Variants in CSMD3 observed in about 807,000 individuals in gnomAD.
CSMD3 encodes the protein CUB and sushi domain-containing protein 3.
Under a neutral mutation model 435.2 loss-of-function variants are expected in CSMD3, and 177 were observed. That is an observed-to-expected ratio of 0.41 (90% CI 0.36 to 0.46). CSMD3 has a LOEUF of 0.46. CSMD3 is among the 20% of genes least tolerant of loss of function. The pLI is 0.34. For synonymous variants in CSMD3, 1,656 were observed against 1,520.5 expected, an observed-to-expected ratio of 1.09 and a Z score of -2.07; for missense variants, 4,265 against 4,504.6, an observed-to-expected ratio of 0.95 and a Z score of 1.52.
intron 4 of CSMD3, among the ~76,000 whole-genome samples, chr8:113,114,687 CA>C (rs1290347973): frequency 6.6e-6 from 1 of 151,984 alleles, no homozygotes; most frequent in Non-Finnish European, 1.5e-5. Context: ...CATTATTAAC[CA>C]ATAATATTTT....
rs12156371 is a variant in CSMD3, at chr8:112,929,389, T to A, written c.1509-7638A>T. ...ACTTAAAGCATAATAAAAAAAAAAT[T>A]AAAAAAAAAAGATTTCAAGATTTTA... is the stretch of plus-strand genomic sequence containing the variant. On this transcript the variant is annotated intron_variant, in intron 9 of 70. Coordinates refer to ENST00000297405, the MANE Select transcript of CSMD3 (RefSeq NM_198123.2). Among the ~76,000 whole-genome samples the A allele has an allele frequency of 7.4e-5, 11 of 148,590 alleles. No individual in the cohort carries two copies. The East Asian group carries it at 8.0e-4, about 11-fold the overall frequency.
chr8:112,794,352 G>A (rs1206030077), intron 13 of CSMD3, among the ~76,000 whole-genome samples: 6 of 145,634 alleles, frequency 4.1e-5, no homozygotes, highest in Admixed American at 7.0e-5. Flanking sequence ...AGAGGGCAGC[G>A]GCGCGGTCTC....
chr8:112,558,139 T>C (rs1287298046), intron 24 of CSMD3, among the ~76,000 whole-genome samples: 7 of 151,848 alleles, frequency 4.6e-5, no homozygotes, highest in Non-Finnish European at 1.0e-4. Context: ...AAGCAAGGTC[T>C]CTCTGCCCTT....
At chr8:112,704,677 T>A (rs891764223) in intron 13 of CSMD3, among the ~76,000 whole-genome samples, 18 of 152,158 alleles carry the variant, frequency 1.2e-4, no homozygotes, top group African/African-American at 3.1e-4. Context: ...AGAGAATACA[T>A]TGAAATACAC....
At chr8:113,434,013 G>C (rs1057205281) in intron 1 of CSMD3, among the ~76,000 whole-genome samples, 3 of 152,204 alleles carry the variant, frequency 2.0e-5, no homozygotes, top group Non-Finnish European at 2.9e-5. Context: ...CAGTGGAAAT[G>C]AAATGCCAAG....
At chr8:113,380,047 CTT>C (rs952421633) in intron 1 of CSMD3, among the ~76,000 whole-genome samples, 2 of 152,168 alleles carry the variant, frequency 1.3e-5, no homozygotes, top group African/African-American at 2.4e-5. Flanking sequence ...AAAAGGCAAA[CTT>C]GCCCCCATTT....
chr8:113,419,226 C>T (rs1397829098), intron 1 of CSMD3, among the ~76,000 whole-genome samples: 2 of 149,066 alleles, frequency 1.3e-5, no homozygotes, highest in African/African-American at 4.9e-5. Flanking sequence ...TCAATTGATT[C>T]TCCTGCCTCA....
At chr8:112,567,782 T>C (rs757259682) in intron 24 of CSMD3, among the ~76,000 whole-genome samples, 34 of 152,120 alleles carry the variant, frequency 2.2e-4, no homozygotes, top group Admixed American at 8.5e-4. Context: ...GGATACTGTA[T>C]TGTGATCTCA....
chr8:112,400,327 A>C (rs1287374576), intron 35 of CSMD3, among the ~76,000 whole-genome samples: 1 of 152,138 alleles, frequency 6.6e-6, no homozygotes, highest in Non-Finnish European at 1.5e-5. Flanking sequence ...TTATGAGGAC[A>C]CTAATCCCAT....
rs561066840 is a variant in CSMD3 at position 112,558,555 on chromosome 8, T to C, written c.4043-1601A>G. On this transcript the variant is annotated intron_variant, in intron 24 of 70. Transcript: ENST00000297405. ...GCTCCCATGTCATATAAAACCATGA[T>C]CCAATAAATTTATTATGCTTTTCTC... is the stretch of plus-strand genomic sequence containing the variant. 1.1e-4 allele frequency among the ~76,000 whole-genome samples: 16 copies of C among 151,968 alleles called. No individual in the cohort carries two copies. The East Asian group carries it at 3.1e-3, about 30-fold the overall frequency.
At chr8:113,410,380 G>C (rs899008921) in intron 1 of CSMD3, among the ~76,000 whole-genome samples, 3 of 152,088 alleles carry the variant, frequency 2.0e-5, no homozygotes, top group Admixed American at 1.3e-4. Context: ...TCATTAAAGA[G>C]TTATTTATCC....
chr8:112,297,999 A>G (rs1457242208), intron 53 of CSMD3, among the ~76,000 whole-genome samples: 3 of 151,272 alleles, frequency 2.0e-5, no homozygotes, highest in African/African-American at 7.3e-5. Context: ...ACAATAGTAA[A>G]ACATTCTGGG....
intron 1 of CSMD3, among the ~76,000 whole-genome samples, chr8:113,360,169 G>A (rs1439417154): frequency 6.6e-6 from 1 of 152,108 alleles, no homozygotes; most frequent in Non-Finnish European, 1.5e-5. Flanking sequence ...GCATCTTTGG[G>A]ATGGTGGTGG....
Position 113,316,281 on chromosome 8 carries a change from G to A in CSMD3, c.179-1488C>T, listed in dbSNP as rs1459281814. ...CAAGCTAATCTGAGGGAGAGAAGTC[G>A]ATACTACCAAAAGCATCTATGTTTG... On this transcript the variant is annotated intron_variant, in intron 1 of 70. Coordinates refer to ENST00000297405, the MANE Select transcript of CSMD3 (RefSeq NM_198123.2). Among the ~76,000 whole-genome samples the A allele has an allele frequency of 6.6e-5, 10 of 152,112 alleles. No individual in the cohort carries two copies. In the East Asian group the frequency reaches 1.4e-3, roughly 21 times the overall value.
At chr8:112,515,689 GTC>G (rs1413724967) in intron 28 of CSMD3, among the ~76,000 whole-genome samples, 1 of 151,914 alleles carries the variant, frequency 6.6e-6, no homozygotes, top group Non-Finnish European at 1.5e-5. Context: ...TTATAAAAGG[GTC>G]TCTAATAAAT....
At chr8:113,036,719 C>T (rs1382073715) in intron 5 of CSMD3, among the ~76,000 whole-genome samples, 2 of 152,082 alleles carry the variant, frequency 1.3e-5, no homozygotes, top group Admixed American at 6.5e-5. Context: ...TTTATTTAAA[C>T]AAATATTACT....
At chr8:112,433,892 G>T (rs1367841643) in intron 32 of CSMD3, among the ~76,000 whole-genome samples, 2 of 151,662 alleles carry the variant, frequency 1.3e-5, no homozygotes, top group Non-Finnish European at 2.9e-5. Context: ...TTTATTTATT[G>T]TATGAATCTC....
chr8:112,250,212 G>T (rs1815141196), intron 63 of CSMD3, among the ~76,000 whole-genome samples: 1 of 151,684 alleles, frequency 6.6e-6, no homozygotes, highest in South Asian at 2.1e-4. Flanking sequence ...GTTTTTACTT[G>T]TAAGACATTT....
intron 27 of CSMD3, among the ~76,000 whole-genome samples, chr8:112,548,689 A>G (rs1827407844): frequency 6.6e-6 from 1 of 152,136 alleles, no homozygotes. Flanking sequence ...CATTCATGAA[A>G]AGAATATTTT....
Sources: allele counts gnomAD v4.1 joint callset (sites outside exome capture counted in the v4.1 genomes callset), GRCh38; gene constraint gnomAD v4.1.1; transcripts MANE v1.5; gene names NCBI Gene and HGNC (gene_info 2026-07-23, HGNC 2026-07-21).